FBXL13: variants seen among roughly 807,000 people sequenced by gnomAD.
FBXL13 encodes F-box and leucine rich repeat protein 13, also known as F-box and leucine-rich repeat protein 13.
Under a neutral mutation model 83.6 loss-of-function variants are expected in FBXL13, and 67 were observed. That is an observed-to-expected ratio of 0.80 (90% CI 0.66 to 0.98). The LOEUF (loss-of-function observed/expected upper bound fraction) is 0.98, where lower values mean the gene tolerates loss of function less well. Ranked by LOEUF, FBXL13 falls within the 50% of genes least tolerant of loss-of-function variation. FBXL13 has a pLI of 0.00. For missense variants in FBXL13, 822 were observed against 866.5 expected (o/e 0.95, Z 0.64); for synonymous variants, 272 against 299.5 (o/e 0.91, Z 0.95).
At chr7:103,029,020 C>A (rs1245113075) in intron 3 of FBXL13, among the ~76,000 whole-genome samples, 1 of 151,864 alleles carries the variant, frequency 6.6e-6, no homozygotes, top group Non-Finnish European at 1.5e-5. Flanking sequence ...CCAAAAGAAC[C>A]ACCTAATGAT....
At chr7:102,847,762 C>A (rs902991095) in intron 17 of FBXL13, among the ~76,000 whole-genome samples, 6 of 152,098 alleles carry the variant, frequency 3.9e-5, no homozygotes, top group African/African-American at 1.4e-4. Context: ...CTCCTGGCCT[C>A]AGGTAACCCA....
intron 8 of FBXL13, chr7:102,942,458 T>C (rs1821653430): frequency 5.0e-6 from 4 of 796,260 alleles, no homozygotes; most frequent in African/African-American, 1.8e-5. Flanking sequence ...TAGGGGGTTT[T>C]TACCTCCTTT....
chr7:102,816,192 A>C (rs1232337274), intron 19 of FBXL13: 1 of 152,190 alleles, frequency 6.6e-6, no homozygotes, highest in Non-Finnish European at 1.5e-5. Context: ...ATGCTTACTG[A>C]CTGGAGGGGA....
intron 17 of FBXL13, among the ~76,000 whole-genome samples, chr7:102,837,045 T>C: frequency 6.6e-6 from 1 of 152,220 alleles, no homozygotes; most frequent in East Asian, 1.9e-4. Flanking sequence ...AAGGCTAAAA[T>C]GCAACTTCCA....
At chr7:102,821,909 A>C in intron 19 of FBXL13, 131 bp downstream of exon 20, 1 of 1,035,484 alleles carries the variant, frequency 9.7e-7, no homozygotes, top group Non-Finnish European at 1.4e-6. Flanking sequence ...AGCTTCAATT[A>C]GGCAAAAAAT....
intron 2 of FBXL13, among the ~76,000 whole-genome samples, chr7:103,052,155 G>A (rs535323102): frequency 3.3e-5 from 5 of 152,122 alleles, no homozygotes; most frequent in Non-Finnish European, 7.4e-5. Context: ...GAAGTTTTTT[G>A]TTGAAACATT....
chr7:102,941,641 G>A (rs1209118774), intron 8 of FBXL13, among the ~76,000 whole-genome samples: 1 of 151,848 alleles, frequency 6.6e-6, no homozygotes, highest in Non-Finnish European at 1.5e-5. Context: ...ACAAGCAAAA[G>A]CCATTCCAAA....
At chr7:103,017,101 C>G (rs556402753) in intron 6 of FBXL13, among the ~76,000 whole-genome samples, 1 of 152,152 alleles carries the variant, frequency 6.6e-6, no homozygotes. Flanking sequence ...ACACTTCACA[C>G]GGCTGGGTAC....
chr7:102,995,546 T>C (rs1289172372), intron 6 of FBXL13, among the ~76,000 whole-genome samples: 4 of 148,488 alleles, frequency 2.7e-5, no homozygotes, highest in Non-Finnish European at 5.9e-5. Flanking sequence ...CCCAGCACTT[T>C]GGGAGGCGGA....
chr7:102,886,096 T>C (rs1810759928), intron 11 of FBXL13, among the ~76,000 whole-genome samples: 1 of 152,224 alleles, frequency 6.6e-6, no homozygotes, highest in Non-Finnish European at 1.5e-5. Context: ...GCAGAGAGTG[T>C]CCGAAATAAT....
chr7:102,926,274 C>T (rs779033066), exon 10 of FBXL13: 2 of 1,612,148 alleles, frequency 1.2e-6, no homozygotes, highest in African/African-American at 2.7e-5. Flanking sequence ...CAAACATTAC[C>T]TCGGCAGGAG....
At chr7:103,056,827 T>A (rs188067585) in intron 1 of FBXL13, among the ~76,000 whole-genome samples, 14 of 152,250 alleles carry the variant, frequency 9.2e-5, no homozygotes, top group African/African-American at 3.4e-4. Flanking sequence ...ATCTATTTTT[T>A]TTTTTTATTT....
At chr7:103,009,228 C>T (rs899470310) in intron 6 of FBXL13, among the ~76,000 whole-genome samples, 4 of 152,072 alleles carry the variant, frequency 2.6e-5, no homozygotes, top group South Asian at 2.1e-4. Context: ...GCCAAGATGG[C>T]GAATTAGAAG....
At chr7:103,052,561 T>C (rs1035929851) in intron 2 of FBXL13, among the ~76,000 whole-genome samples, 3 of 152,224 alleles carry the variant, frequency 2.0e-5, no homozygotes, top group Non-Finnish European at 4.4e-5. Context: ...CACATTTTCA[T>C]GTCTAACCTT....
At chr7:102,863,829 C>T (rs1807231806) in intron 16 of FBXL13, among the ~76,000 whole-genome samples, 1 of 152,142 alleles carries the variant, frequency 6.6e-6, no homozygotes, top group South Asian at 2.1e-4. Context: ...ATGTTCACAA[C>T]TGACCAAATA....
intron 8 of FBXL13, among the ~76,000 whole-genome samples, chr7:102,937,209 C>T (rs879480289): frequency 6.6e-6 from 1 of 151,884 alleles, no homozygotes; most frequent in Non-Finnish European, 1.5e-5. Context: ...GATTATAAGA[C>T]GAAGGGTAGG....
chr7:102,827,195 G>C (rs536176147), intron 18 of FBXL13: 1 of 450,570 alleles, frequency 2.2e-6, no homozygotes, highest in South Asian at 1.6e-5. Flanking sequence ...CCTTGAAGCA[G>C]CTCAGCTAGC....
At chr7:103,069,283 T>G (rs1325164679) in intron 1 of FBXL13, among the ~76,000 whole-genome samples, 1 of 152,148 alleles carries the variant, frequency 6.6e-6, no homozygotes, top group Non-Finnish European at 1.5e-5. Context: ...TGCCGCCCCA[T>G]CTGGAAAGTG....
chr7:102,883,828 C>T, intron 12 of FBXL13, 143 bp from the exon 14 acceptor site: 1 of 589,410 alleles, frequency 1.7e-6, no homozygotes, highest in Admixed American at 3.3e-5. Flanking sequence ...TGGATTTTTC[C>T]ATACATTTTA....
Sources: allele counts gnomAD v4.1 joint callset (sites outside exome capture counted in the v4.1 genomes callset), GRCh38; gene constraint gnomAD v4.1.1; transcripts MANE v1.5; gene names NCBI Gene and HGNC (gene_info 2026-07-23, HGNC 2026-07-21).